Variants in SPOCK3 observed in about 807,000 individuals in gnomAD.
SPOCK3 encodes the protein testican-3.
SPOCK3 carries 30 observed loss-of-function variants against 56.6 expected under a neutral mutation model. That is an observed-to-expected ratio of 0.53 (90% CI 0.40 to 0.72). SPOCK3 has a LOEUF of 0.72. SPOCK3 is among the 30% of genes least tolerant of loss of function. SPOCK3 has a pLI of 0.00. For synonymous variants in SPOCK3, 196 were observed against 183.3 expected (o/e 1.07, Z -0.56); for missense variants, 527 against 530.0 (o/e 0.99, Z 0.06).
At chr4:166,967,524 C>T (rs1339904171) in intron 4 of SPOCK3, among the ~76,000 whole-genome samples, 1 of 152,168 alleles carries the variant, frequency 6.6e-6, no homozygotes, top group Non-Finnish European at 1.5e-5. Flanking sequence ...AGCACTTCCT[C>T]CTTTGTTCTC....
In SPOCK3 at chr4:166,737,534, CT is replaced by C; in HGVS notation, c.1064del (p.Gln355ArgfsTer17). The part of the protein sequence containing the change: ...KPTQCHGSVG[Q>X]CWCVDRYGNE... ...TTCCATATCTGTCAACACACCAGCA[CT>C]GTCCAACACTGCCATGACATTGTGT... On this transcript the variant is annotated frameshift_variant, in exon 10 of 11. Transcript: ENST00000357545. LOFTEE classifies it high-confidence loss of function. The C allele has an allele frequency of 6.2e-7, 1 of 1,613,308 alleles. No individual in the cohort carries two copies. The highest frequency in any genetic ancestry group is 8.5e-7 in the Non-Finnish European group (1 of 1,179,536).
chr4:167,155,064 T>C (rs1764704868), intron 2 of SPOCK3, among the ~76,000 whole-genome samples: 1 of 152,108 alleles, frequency 6.6e-6, no homozygotes, highest in Non-Finnish European at 1.5e-5. Flanking sequence ...AGTTATATAG[T>C]ATATCTAGTA....
chr4:166,880,650 G>A (rs969093092), intron 6 of SPOCK3, among the ~76,000 whole-genome samples: 1 of 152,136 alleles, frequency 6.6e-6, no homozygotes, highest in East Asian at 1.9e-4. Flanking sequence ...TTCCATCTCG[G>A]TTTTATCACC....
At chr4:167,035,464 CAAGAA>C (rs1399758256) in intron 3 of SPOCK3, among the ~76,000 whole-genome samples, 1 of 151,974 alleles carries the variant, frequency 6.6e-6, no homozygotes, top group Admixed American at 6.5e-5. Flanking sequence ...CGAGCCAGCT[CAAGAA>C]AAGTCCCTAC....
intron 8 of SPOCK3, among the ~76,000 whole-genome samples, chr4:166,750,058 T>C (rs1206375395): frequency 2.0e-5 from 3 of 152,168 alleles, no homozygotes; most frequent in East Asian, 1.9e-4. Context: ...TCAGAGAATA[T>C]GTCTGCCTAC....
intron 2 of SPOCK3, among the ~76,000 whole-genome samples, chr4:167,116,731 A>T (rs961664582): frequency 1.5e-5 from 2 of 134,872 alleles, no homozygotes; most frequent in African/African-American, 5.3e-5. Context: ...GTATATATAC[A>T]CACATATAGT....
intron 4 of SPOCK3, among the ~76,000 whole-genome samples, chr4:166,963,888 G>C (rs1744423306): frequency 6.6e-6 from 1 of 151,664 alleles, no homozygotes; most frequent in South Asian, 2.1e-4. Flanking sequence ...ATGAGTCAGT[G>C]GGTCAAACAC....
chr4:166,903,372 A>G (rs1321564256), intron 5 of SPOCK3, among the ~76,000 whole-genome samples: 1 of 151,884 alleles, frequency 6.6e-6, no homozygotes, highest in Non-Finnish European at 1.5e-5. Context: ...GCTGTAGTGT[A>G]ATTCAGAACA....
intron 3 of SPOCK3, among the ~76,000 whole-genome samples, chr4:167,056,048 A>AC (rs1331577281): frequency 1.3e-5 from 2 of 151,990 alleles, no homozygotes; most frequent in Non-Finnish European, 1.5e-5. Flanking sequence ...ACTGGGAGGC[A>AC]CCCCCCAGTA....
At chr4:166,842,379 T>C (rs1047618165) in intron 6 of SPOCK3, among the ~76,000 whole-genome samples, 1 of 152,210 alleles carries the variant, frequency 6.6e-6, no homozygotes, top group African/African-American at 2.4e-5. Flanking sequence ...AGGGTGCTGA[T>C]TGGTGCATTT....
At chr4:166,800,787 T>G (rs1742501950) in intron 6 of SPOCK3, among the ~76,000 whole-genome samples, 1 of 152,128 alleles carries the variant, frequency 6.6e-6, no homozygotes, top group African/African-American at 2.4e-5. Flanking sequence ...GAAAATATTT[T>G]TAAATATTTA....
chr4:166,869,690 A>T (rs1416896467), intron 6 of SPOCK3, among the ~76,000 whole-genome samples: 1 of 151,640 alleles, frequency 6.6e-6, no homozygotes, highest in Non-Finnish European at 1.5e-5. Context: ...GGAGCTTCAA[A>T]GTCATTCCCA....
At chr4:167,158,764 T>C (rs547953505) in intron 2 of SPOCK3, among the ~76,000 whole-genome samples, 2 of 152,138 alleles carry the variant, frequency 1.3e-5, no homozygotes, top group Non-Finnish European at 2.9e-5. Context: ...TATCTAAACT[T>C]TTTACCTGAA....
At position 167,160,282 on chromosome 4, in the gene SPOCK3, C is replaced by T. The variant is rs537100860; in HGVS notation, c.189+73703G>A. Among the ~76,000 whole-genome samples the T allele has an allele frequency of 6.6e-5, 10 of 152,190 alleles. No individual in the cohort carries two copies. In the South Asian group the frequency reaches 1.9e-3, roughly 28 times the overall value. On this transcript the variant is annotated intron_variant, in intron 2 of 10. Transcript: ENST00000357545. ...AGAGAGCCAAACCATGAGTGAACTC[C>T]CATTCACAATTGCTTCAAAGAGAAG... is the stretch of plus-strand genomic sequence containing the variant.
chr4:167,022,571 C>T (rs1197989504), intron 3 of SPOCK3, among the ~76,000 whole-genome samples: 1 of 151,982 alleles, frequency 6.6e-6, no homozygotes, highest in Non-Finnish European at 1.5e-5. Flanking sequence ...GGTAGGGCCT[C>T]AGATGGTGAA....
At position 167,053,026 on chromosome 4, in the gene SPOCK3, T is replaced by G. The variant is rs1002713782; in HGVS notation, c.235+9466A>C. ...CTCCAGATGAAATCTTAACAGCTTT[T>G]CCTTTGTAGCCAAATACTGATTGCA... is the stretch of plus-strand genomic sequence containing the variant. On this transcript the variant is annotated intron_variant, in intron 3 of 10. Coordinates refer to ENST00000357545, the MANE Select transcript of SPOCK3 (RefSeq NM_001040159.2). 3.0e-4 allele frequency among the ~76,000 whole-genome samples: 45 copies of G among 152,186 alleles called. 1 individual carries two copies. The highest frequency in any genetic ancestry group is 1.8e-3 in the Admixed American group (28 of 15,282).
chr4:167,046,361 T>C (rs1368722658), intron 3 of SPOCK3, among the ~76,000 whole-genome samples: 4 of 151,898 alleles, frequency 2.6e-5, no homozygotes, highest in African/African-American at 7.2e-5. Context: ...TCAGTGCTTG[T>C]TGTCTGACAC....
chr4:167,190,233 C>T (rs1404696998), intron 2 of SPOCK3, among the ~76,000 whole-genome samples: 1 of 145,670 alleles, frequency 6.9e-6, no homozygotes, highest in Non-Finnish European at 1.5e-5. Context: ...TTTCCAGTTC[C>T]ACCAACAGTG....
At chr4:166,890,983 A>C (rs1042129226) in intron 5 of SPOCK3, among the ~76,000 whole-genome samples, 1 of 152,004 alleles carries the variant, frequency 6.6e-6, no homozygotes, top group Non-Finnish European at 1.5e-5. Flanking sequence ...TTCTTGTTGC[A>C]TTGATCCCTT....
Sources: gnomAD v4.1 joint callset for allele counts (sites outside exome capture counted in the v4.1 genomes callset) on GRCh38, gnomAD v4.1.1 for gene constraint, MANE v1.5 for transcripts, NCBI Gene and HGNC (gene_info 2026-07-23, HGNC 2026-07-21) for gene names.